Variants in PPP2R2C observed in about 807,000 individuals in gnomAD.
PPP2R2C encodes the protein protein phosphatase 2, regulatory subunit B, gamma.
Under a neutral mutation model 45.3 loss-of-function variants are expected in PPP2R2C, and 10 were observed. The ratio of observed to expected loss-of-function variants is 0.22; its 90% CI spans 0.14 to 0.37. The LOEUF (loss-of-function observed/expected upper bound fraction) is 0.37. PPP2R2C is among the 10% of genes least tolerant of loss of function. PPP2R2C has a pLI of 1.00. For missense variants in PPP2R2C, 308 were observed against 619.7 expected, an observed-to-expected ratio of 0.50 and a Z score of 5.34; for synonymous variants, 257 against 245.4, an observed-to-expected ratio of 1.05 and a Z score of -0.44.
At chr4:6,561,113 C>T (rs1295857589) in intron 1 of PPP2R2C, among the ~76,000 whole-genome samples, 2 of 152,224 alleles carry the variant, frequency 1.3e-5, no homozygotes, top group African/African-American at 2.4e-5. Context: ...ACATCAGGTA[C>T]CAACTGTCTC....
Position 6,472,402 on chromosome 4 carries a change from G to T in PPP2R2C, c.-173C>A. On this transcript the variant is annotated 5_prime_UTR_variant, in exon 1 of 9. Coordinates refer to ENST00000382599, the MANE Select transcript of PPP2R2C (RefSeq NM_020416.4). ...GGGACGGGCGGGGGCGGCCGGGGGCGGGCGCCGCGGTCAAGCGAGCGCGCG... is the reference window on the plus strand; with the variant it reads ...GGGACGGGCGGGGGCGGCCGGGGGCTGGCGCCGCGGTCAAGCGAGCGCGCG... The T allele has an allele frequency of 3.4e-6, 3 of 883,844 alleles. No individual in the cohort carries two copies. The highest frequency in any genetic ancestry group is 5.7e-4 in the Middle Eastern group (1 of 1,744). 54.8% of individuals were successfully genotyped at this position (883,844 alleles called of 1,614,324 possible).
At chr4:6,558,282 G>T (rs982374194) in intron 1 of PPP2R2C, among the ~76,000 whole-genome samples, 1 of 152,212 alleles carries the variant, frequency 6.6e-6, no homozygotes, top group Non-Finnish European at 1.5e-5. Flanking sequence ...TGTGACCTGG[G>T]GTGCTGGTGG....
chr4:6,355,159 C>T (rs535928057), intron 5 of PPP2R2C, among the ~76,000 whole-genome samples: 28 of 152,304 alleles, frequency 1.8e-4, no homozygotes, highest in African/African-American at 6.7e-4. Context: ...TGCTGCTGCA[C>T]CTTCAGTGCC....
At chr4:6,348,120 G>T in intron 5 of PPP2R2C, 110 bp from the exon 6 acceptor site, 1 of 1,278,730 alleles carries the variant, frequency 7.8e-7, no homozygotes, top group Non-Finnish European at 1.1e-6. Context: ...CCTCGCGTCT[G>T]AGCTGCCTCT....
At chr4:6,439,129 A>G (rs1720027833) in intron 1 of PPP2R2C, among the ~76,000 whole-genome samples, 1 of 152,276 alleles carries the variant, frequency 6.6e-6, no homozygotes, top group African/African-American at 2.4e-5. Context: ...AGAAACAGGT[A>G]GAAGAGATAC....
At chr4:6,478,748 G>C (rs191118771) in intron 2 of PPP2R2C, among the ~76,000 whole-genome samples, 184 of 152,330 alleles carry the variant, frequency 1.2e-3, no homozygotes, top group African/African-American at 4.2e-3. Context: ...AGCCGTGAAT[G>C]ACCCTCCAAA....
chr4:6,336,777 T>C (rs1243613747), intron 6 of PPP2R2C, among the ~76,000 whole-genome samples: 25 of 5,148 alleles, frequency 4.9e-3, no homozygotes, highest in South Asian at 8.5e-3. Context: ...CCCTCCCTCC[T>C]TCCCTCCCTC....
intron 1 of PPP2R2C, among the ~76,000 whole-genome samples, chr4:6,541,577 C>T (rs1017565628): frequency 3.9e-5 from 6 of 152,072 alleles, no homozygotes; most frequent in African/African-American, 1.4e-4. Flanking sequence ...GACAGAGTCC[C>T]ACTCTGTCAC....
intron 1 of PPP2R2C, chr4:6,381,496 A>C (rs536456545): frequency 7.3e-7 from 1 of 1,375,740 alleles, no homozygotes; most frequent in African/African-American, 1.5e-5. Flanking sequence ...AACCTGGGTC[A>C]GGGAAGCCCT....
intron 2 of PPP2R2C, among the ~76,000 whole-genome samples, chr4:6,531,440 G>T (rs1724394988): frequency 6.6e-6 from 1 of 152,212 alleles, no homozygotes. Context: ...GTCCAGGAGA[G>T]GGCAGCTACA....
chr4:6,544,497 C>T (rs556938759), intron 1 of PPP2R2C, among the ~76,000 whole-genome samples: 1 of 152,208 alleles, frequency 6.6e-6, no homozygotes, highest in Non-Finnish European at 1.5e-5. Flanking sequence ...TGTGGGCCAC[C>T]ATGCCCAGCT....
chr4:6,454,472 GACTGC>G (rs1720907496), intron 1 of PPP2R2C, among the ~76,000 whole-genome samples: 1 of 152,164 alleles, frequency 6.6e-6, no homozygotes, highest in Non-Finnish European at 1.5e-5. Flanking sequence ...ACTGCCCTGA[GACTGC>G]ACGCTGGAGA....
At chr4:6,377,222 T>C (rs1466070189) in intron 3 of PPP2R2C, among the ~76,000 whole-genome samples, 1 of 152,172 alleles carries the variant, frequency 6.6e-6, no homozygotes, top group African/African-American at 2.4e-5. Flanking sequence ...GAAGCCTGGC[T>C]GGTGCTTGTG....
intron 1 of PPP2R2C, among the ~76,000 whole-genome samples, chr4:6,415,692 C>T (rs545211094): frequency 1.1e-4 from 16 of 152,296 alleles, no homozygotes; most frequent in African/African-American, 3.9e-4. Context: ...CCTGCAGAAG[C>T]GGGCAGCAGT....
chr4:6,434,551 G>T (rs2109416364), intron 1 of PPP2R2C, among the ~76,000 whole-genome samples: 1 of 152,052 alleles, frequency 6.6e-6, no homozygotes, highest in South Asian at 2.1e-4. Context: ...TAGAGATGGG[G>T]TTTCGTGATG....
At chr4:6,479,214 G>C (rs550175013) in intron 2 of PPP2R2C, among the ~76,000 whole-genome samples, 2 of 152,216 alleles carry the variant, frequency 1.3e-5, no homozygotes, top group Non-Finnish European at 2.9e-5. Flanking sequence ...CCATATACCA[G>C]CTGGTATAAT....
intron 2 of PPP2R2C, among the ~76,000 whole-genome samples, chr4:6,515,736 T>G (rs4689470): frequency 0.094 from 14,390 of 152,284 alleles, 761 homozygotes; most frequent in East Asian, 0.16. Flanking sequence ...ATGCCAGCAC[T>G]AAGTTAGGTG....
chr4:6,560,317 C>A (rs570871624), intron 1 of PPP2R2C, among the ~76,000 whole-genome samples: 1 of 152,204 alleles, frequency 6.6e-6, no homozygotes, highest in South Asian at 2.1e-4. Context: ...AAGCCAGGGG[C>A]GTTTCCATAC....
chr4:6,347,823 C>G (rs774440732), intron 6 of PPP2R2C, 23 bp downstream of exon 6: 8 of 1,587,366 alleles, frequency 5.0e-6, no homozygotes, highest in Non-Finnish European at 6.8e-6. Context: ...CACAGCCCCC[C>G]ACCCCCAGGC....
Sources: gnomAD v4.1 joint callset for allele counts (sites outside exome capture counted in the v4.1 genomes callset) on GRCh38, gnomAD v4.1.1 for gene constraint, MANE v1.5 for transcripts, NCBI Gene and HGNC (gene_info 2026-07-23, HGNC 2026-07-21) for gene names.